The following VAV3 variants were observed in gnomAD, a reference collection of about 807,000 sequenced individuals.
VAV3 encodes the protein guanine nucleotide exchange factor VAV3.
In VAV3, 94 loss-of-function variants were observed where a neutral mutation model predicts 131.2. The ratio of observed to expected loss-of-function variants is 0.72; its 90% CI spans 0.61 to 0.85. The LOEUF (loss-of-function observed/expected upper bound fraction) is 0.85, where lower values mean the gene tolerates loss of function less well. Ranked by LOEUF, VAV3 falls within the 40% of genes least tolerant of loss-of-function variation. VAV3 has a pLI of 0.00. For missense variants in VAV3, 939 were observed against 1,002.7 expected (o/e 0.94, Z 0.86); for synonymous variants, 349 against 342.0 (o/e 1.02, Z -0.22).
At chr1:107,695,602 G>C (rs536234475) in intron 17 of VAV3, among the ~76,000 whole-genome samples, 7 of 152,094 alleles carry the variant, frequency 4.6e-5, no homozygotes, top group Non-Finnish European at 7.4e-5. Context: ...AATGCAAGAC[G>C]CATGGGAGGG....
chr1:107,614,566 A>G (rs1293934702), intron 21 of VAV3, among the ~76,000 whole-genome samples: 1 of 152,098 alleles, frequency 6.6e-6, no homozygotes, highest in East Asian at 1.9e-4. Context: ...CTTGCTTACA[A>G]TTATAAGTTA....
In VAV3 at chr1:107,704,646, T is replaced by C. The variant is rs1342936108; in HGVS notation, c.1609A>G (p.Thr537Ala). The C allele has an allele frequency of 5.6e-6, 9 of 1,612,408 alleles. No individual in the cohort carries two copies. In the South Asian group the frequency reaches 8.8e-5, roughly 16 times the overall value. ...CKVCQMLLRGTFYQGYLCFKC... is the reference protein window; with the variant it reads ...CKVCQMLLRGAFYQGYLCFKC... ...AAACATAAATAGCCTTGATAAAATG[T>C]TCCCCTGAAAGGTGAAATAAGAAAG... The change falls in exon 17 of 27, where the codon ACA (threonine) becomes GCA (alanine). Residue 537 changes from threonine (T) to alanine (A), a missense_variant. By Grantham distance (58) the Thr-to-Ala change is moderately conservative. Transcript: ENST00000370056.
chr1:107,739,849 G>C (rs1354548528), intron 15 of VAV3, among the ~76,000 whole-genome samples: 2 of 152,128 alleles, frequency 1.3e-5, no homozygotes, highest in Non-Finnish European at 2.9e-5. Flanking sequence ...GCCAACTCTT[G>C]ATACCACCAC....
chr1:107,641,856 A>G (rs1262845018), intron 20 of VAV3, among the ~76,000 whole-genome samples: 1 of 152,202 alleles, frequency 6.6e-6, no homozygotes, highest in Non-Finnish European at 1.5e-5. Context: ...AATGATAATT[A>G]TGACCCCACA....
At chr1:107,696,911 A>G (rs1200437190) in intron 17 of VAV3, among the ~76,000 whole-genome samples, 1 of 152,204 alleles carries the variant, frequency 6.6e-6, no homozygotes, top group Non-Finnish European at 1.5e-5. Context: ...ATGAAAAACT[A>G]TATTACTGAA....
At chr1:107,651,505 A>ATT (rs200060988) in intron 19 of VAV3, among the ~76,000 whole-genome samples, 2 of 59,768 alleles carry the variant, frequency 3.3e-5, no homozygotes, top group African/African-American at 1.1e-4. Flanking sequence ...TTATTTATTT[A>ATT]TTTTTTTTCA....
intron 15 of VAV3, among the ~76,000 whole-genome samples, chr1:107,737,017 A>G (rs1662686796): frequency 6.6e-6 from 1 of 152,184 alleles, no homozygotes; most frequent in African/African-American, 2.4e-5. Context: ...ATATAGACCA[A>G]TGGAACAGAA....
intron 2 of VAV3, among the ~76,000 whole-genome samples, chr1:107,792,672 T>C (rs1415554287): frequency 1.3e-5 from 2 of 152,370 alleles, no homozygotes; most frequent in East Asian, 3.9e-4. Context: ...CAGTTAATTC[T>C]AATCTATTTC....
At chr1:107,814,549 T>C (rs376026408) in intron 2 of VAV3, among the ~76,000 whole-genome samples, 2 of 152,232 alleles carry the variant, frequency 1.3e-5, no homozygotes, top group African/African-American at 2.4e-5. Flanking sequence ...AGAATGAATA[T>C]ATATTTTGCA....
At chr1:107,576,784 G>A (rs956896092) in intron 25 of VAV3, among the ~76,000 whole-genome samples, 2 of 152,190 alleles carry the variant, frequency 1.3e-5, no homozygotes, top group African/African-American at 4.8e-5. Flanking sequence ...GTGGAAAGGG[G>A]TAACCTGTAG....
intron 19 of VAV3, among the ~76,000 whole-genome samples, chr1:107,662,818 G>A (rs1657121076): frequency 6.6e-6 from 1 of 152,144 alleles, no homozygotes; most frequent in South Asian, 2.1e-4. Context: ...GCTAAAAGTT[G>A]GTAACCTTAT....
intron 1 of VAV3, among the ~76,000 whole-genome samples, chr1:107,876,488 C>T (rs1359860490): frequency 6.6e-6 from 1 of 152,090 alleles, no homozygotes; most frequent in African/African-American, 2.4e-5. Context: ...GAGGGGAAAG[C>T]TGGTAACAAA....
intron 20 of VAV3, among the ~76,000 whole-genome samples, chr1:107,624,024 G>C (rs1451418032): frequency 4.6e-5 from 7 of 152,060 alleles, no homozygotes; most frequent in Non-Finnish European, 1.0e-4. Flanking sequence ...CATGACAAAG[G>C]CTTCAATTAT....
intron 2 of VAV3, among the ~76,000 whole-genome samples, chr1:107,800,856 C>T (rs1287518901): frequency 6.6e-6 from 1 of 152,066 alleles, no homozygotes; most frequent in African/African-American, 2.4e-5. Context: ...TTTGCTTTGG[C>T]TGCCTGTGCT....
At chr1:107,713,649 A>C (rs1660919638) in intron 15 of VAV3, among the ~76,000 whole-genome samples, 1 of 152,146 alleles carries the variant, frequency 6.6e-6, no homozygotes, top group South Asian at 2.1e-4. Flanking sequence ...AAGATAAAAG[A>C]AAAAAGATAC....
intron 20 of VAV3, among the ~76,000 whole-genome samples, chr1:107,636,623 C>G (rs1654949023): frequency 6.6e-6 from 1 of 151,978 alleles, no homozygotes; most frequent in Non-Finnish European, 1.5e-5. Flanking sequence ...ATATTGAAAA[C>G]TGATATAATT....
chr1:107,857,214 G>A (rs531070192), intron 2 of VAV3, among the ~76,000 whole-genome samples: 1 of 152,180 alleles, frequency 6.6e-6, no homozygotes, highest in African/African-American at 2.4e-5. Flanking sequence ...TATAAAGCAG[G>A]CAGAAAAACA....
intron 15 of VAV3, among the ~76,000 whole-genome samples, chr1:107,711,354 C>A (rs866055224): frequency 8.5e-5 from 13 of 152,330 alleles, no homozygotes; most frequent in Middle Eastern, 3.4e-3. Context: ...CAGACACTCT[C>A]TGCCTACATA....
intron 25 of VAV3, among the ~76,000 whole-genome samples, chr1:107,583,810 C>T (rs1333019046): frequency 5.9e-5 from 9 of 152,112 alleles, no homozygotes; most frequent in African/African-American, 1.2e-4. Flanking sequence ...GAATCAATAT[C>T]GCGAAAATGG....
Sources: allele counts gnomAD v4.1 joint callset (sites outside exome capture counted in the v4.1 genomes callset), GRCh38; gene constraint gnomAD v4.1.1; transcripts MANE v1.5; gene names NCBI Gene and HGNC (gene_info 2026-07-23, HGNC 2026-07-21).